The following SYT1 variants were observed in gnomAD, a reference collection of about 807,000 sequenced individuals.
SYT1 encodes the protein synaptotagmin 1, also known as synaptotagmin-1.
SYT1 carries 8 observed loss-of-function variants against 44.8 expected under a neutral mutation model. That is an observed-to-expected ratio of 0.18 (90% confidence interval 0.10 to 0.32). The LOEUF (loss-of-function observed/expected upper bound fraction) is 0.32, where lower values mean the gene tolerates loss of function less well. Among genes scored for constraint, SYT1 ranks in the 10% least tolerant of loss-of-function variants. The pLI is 1.00. For synonymous variants in SYT1, 154 were observed against 188.8 expected (o/e 0.82, Z 1.51); for missense variants, 286 against 509.3 (o/e 0.56, Z 4.22).
At chr12:78,917,552 T>C (rs1222770241) in intron 1 of SYT1, among the ~76,000 whole-genome samples, 4 of 151,328 alleles carry the variant, frequency 2.6e-5, no homozygotes, top group African/African-American at 9.7e-5. Flanking sequence ...ATGGCACAAG[T>C]ATACATATGT....
At chr12:79,312,205 A>G (rs1467405689) in intron 8 of SYT1, among the ~76,000 whole-genome samples, 4 of 151,900 alleles carry the variant, frequency 2.6e-5, no homozygotes, top group Non-Finnish European at 5.9e-5. Flanking sequence ...GAAGGAAATT[A>G]AAACCCCTTA....
At chr12:79,179,360 A>AGATATATAGATATATCTATATC (rs1565841959) in intron 3 of SYT1, among the ~76,000 whole-genome samples, 1 of 66,448 alleles carries the variant, frequency 1.5e-5, no homozygotes. Flanking sequence ...ATATCGATAT[A>AGATATATAGATATATCTATATC]GATATAGATA....
rs910174049 is a variant in SYT1, at chr12:79,211,686, C to T, written c.-17-5817C>T. Among the ~76,000 whole-genome samples, 6 of 146,550 alleles carry T rather than the reference C, an allele frequency of 4.1e-5. No homozygotes were observed. In the South Asian group the frequency reaches 8.6e-4, roughly 21 times the overall value. On this transcript the variant is annotated intron_variant, in intron 3 of 10. Coordinates refer to ENST00000261205, the MANE Select transcript of SYT1 (RefSeq NM_005639.3). ...ATTCCCACCTAGGAGTGAGAATATG[C>T]GGTGTTTGGTTTTTTGTTCTTGTGA...
At chr12:79,439,815 T>C (rs538738410) in intron 9 of SYT1, among the ~76,000 whole-genome samples, 32 of 152,220 alleles carry the variant, frequency 2.1e-4, no homozygotes, top group African/African-American at 7.2e-4. Context: ...CCAAGTTAGG[T>C]TGGCTCTAGA....
intron 3 of SYT1, among the ~76,000 whole-genome samples, chr12:79,159,471 C>T (rs758229024): frequency 5.3e-5 from 8 of 152,098 alleles, no homozygotes; most frequent in Non-Finnish European, 1.0e-4. Context: ...TATTTTGAGA[C>T]AGAGAGAGAC....
intron 4 of SYT1, among the ~76,000 whole-genome samples, chr12:79,247,291 T>G (rs1348659520): frequency 6.6e-6 from 1 of 152,164 alleles, no homozygotes; most frequent in African/African-American, 2.4e-5. Context: ...ACCGGTACTT[T>G]CGGTTCACTG....
At chr12:79,337,372 C>T (rs891430547) in intron 8 of SYT1, among the ~76,000 whole-genome samples, 23 of 152,214 alleles carry the variant, frequency 1.5e-4, no homozygotes, top group Non-Finnish European at 3.1e-4. Flanking sequence ...CCAGAGATTT[C>T]TTCTTGGATA....
At chr12:79,362,256 C>CA (rs568472943) in intron 9 of SYT1, among the ~76,000 whole-genome samples, 52 of 151,996 alleles carry the variant, frequency 3.4e-4, no homozygotes, top group Non-Finnish European at 5.3e-4. Context: ...CTGAGTAAGC[C>CA]AAAAAATGTG....
At chr12:79,360,219 A>G (rs1285266961) in intron 9 of SYT1, among the ~76,000 whole-genome samples, 1 of 152,008 alleles carries the variant, frequency 6.6e-6, no homozygotes, top group Non-Finnish European at 1.5e-5. Flanking sequence ...GGTCAGTAAC[A>G]TAGAATACAT....
At chr12:78,876,929 T>TTATATGTATTATATATAA (rs1874203119) in intron 1 of SYT1, among the ~76,000 whole-genome samples, 1 of 115,884 alleles carries the variant, frequency 8.6e-6, no homozygotes, top group African/African-American at 3.2e-5. Context: ...ATAATATATA[T>TTATATGTATTATATATAA]TATATATTAT....
intron 2 of SYT1, among the ~76,000 whole-genome samples, chr12:79,038,686 A>G (rs1223724313): frequency 6.6e-6 from 1 of 151,886 alleles, no homozygotes; most frequent in Non-Finnish European, 1.5e-5. Flanking sequence ...GAGTTTATTA[A>G]TATTTTACAG....
chr12:78,983,294 T>C (rs10506801), intron 2 of SYT1, among the ~76,000 whole-genome samples: 13,490 of 152,130 alleles, frequency 0.089, 772 homozygotes, highest in African/African-American at 0.16. Context: ...TATAGCCAGA[T>C]GTAAGTAATA....
chr12:79,389,447 A>G (rs772240465), intron 9 of SYT1, among the ~76,000 whole-genome samples: 2 of 152,220 alleles, frequency 1.3e-5, no homozygotes, highest in Non-Finnish European at 2.9e-5. Context: ...TAAGCATTTA[A>G]TATGAATCAG....
chr12:78,997,041 G>A (rs1775664807), intron 2 of SYT1, among the ~76,000 whole-genome samples: 1 of 152,178 alleles, frequency 6.6e-6, no homozygotes, highest in Non-Finnish European at 1.5e-5. Flanking sequence ...AATACAGGGA[G>A]GTCAGCAGCA....
chr12:78,964,783 C>A (rs1331864321), intron 1 of SYT1, among the ~76,000 whole-genome samples: 8 of 152,054 alleles, frequency 5.3e-5, no homozygotes, highest in African/African-American at 1.9e-4. Flanking sequence ...AAAAATAATT[C>A]TTTTGAAAGA....
chr12:79,382,079 T>C (rs1202520167), intron 9 of SYT1, among the ~76,000 whole-genome samples: 1 of 152,126 alleles, frequency 6.6e-6, no homozygotes, highest in Non-Finnish European at 1.5e-5. Flanking sequence ...CAACGTGTTT[T>C]TCAATCAGTC....
chr12:78,950,488 A>T (rs914313536), intron 1 of SYT1, among the ~76,000 whole-genome samples: 1 of 152,182 alleles, frequency 6.6e-6, no homozygotes. Context: ...ACTGCCAGGG[A>T]CTTTTTCATA....
At chr12:78,958,893 T>A (rs1441278185) in intron 1 of SYT1, among the ~76,000 whole-genome samples, 1 of 152,170 alleles carries the variant, frequency 6.6e-6, no homozygotes, top group African/African-American at 2.4e-5. Flanking sequence ...TTTTTTTTGA[T>A]ATGTGAAAAG....
At chr12:79,202,862 C>A (rs920919381) in intron 3 of SYT1, among the ~76,000 whole-genome samples, 1 of 152,160 alleles carries the variant, frequency 6.6e-6, no homozygotes, top group African/African-American at 2.4e-5. Context: ...TAATTCACAT[C>A]AATTCAATTC....
Sources: allele counts gnomAD v4.1 joint callset (sites outside exome capture counted in the v4.1 genomes callset), GRCh38; gene constraint gnomAD v4.1.1; transcripts MANE v1.5; gene names NCBI Gene and HGNC (gene_info 2026-07-23, HGNC 2026-07-21).